Variants in UTRN observed in about 807,000 individuals in gnomAD.
The protein encoded by UTRN is dystrophin-related protein 1.
Under a neutral mutation model 463.9 loss-of-function variants are expected in UTRN, and 283 were observed. The ratio of observed to expected loss-of-function variants is 0.61; its 90% CI spans 0.55 to 0.67. UTRN has a LOEUF of 0.67. Ranked by LOEUF, UTRN falls within the 30% of genes least tolerant of loss-of-function variation. UTRN has a pLI of 0.00. For synonymous variants in UTRN, 1,442 were observed against 1,431.5 expected, an observed-to-expected ratio of 1.01 and a Z score of -0.17; for missense variants, 3,922 against 4,084.3, an observed-to-expected ratio of 0.96 and a Z score of 1.08.
intron 51 of UTRN, among the ~76,000 whole-genome samples, chr6:144,613,306 GAA>G (rs1031889273): frequency 2.0e-5 from 3 of 151,966 alleles, no homozygotes; most frequent in African/African-American, 7.2e-5. Flanking sequence ...AGACATGAAT[GAA>G]AAGAGTGGCT....
chr6:144,345,953 G>A (rs959058452), intron 2 of UTRN, among the ~76,000 whole-genome samples: 1 of 152,088 alleles, frequency 6.6e-6, no homozygotes, highest in Non-Finnish European at 1.5e-5. Flanking sequence ...CAAGGCAGGC[G>A]GATCACCTGA....
At chr6:144,597,818 A>C (rs561423531) in intron 51 of UTRN, among the ~76,000 whole-genome samples, 1 of 152,312 alleles carries the variant, frequency 6.6e-6, no homozygotes, top group Non-Finnish European at 1.5e-5. Context: ...TCATTACTTA[A>C]AGCTGGTGCT....
chr6:144,558,574 A>G (rs1193393538), intron 50 of UTRN, among the ~76,000 whole-genome samples: 1 of 152,210 alleles, frequency 6.6e-6, no homozygotes, highest in Non-Finnish European at 1.5e-5. Context: ...TGGCACATGT[A>G]TACATATGTA....
chr6:144,354,712 A>G (rs1011269073), intron 2 of UTRN, among the ~76,000 whole-genome samples: 2 of 152,122 alleles, frequency 1.3e-5, no homozygotes, highest in African/African-American at 4.8e-5. Flanking sequence ...CACCTTCTCT[A>G]GGAATTCTCT....
chr6:144,636,901 GT>G (rs1777231059), intron 51 of UTRN, among the ~76,000 whole-genome samples: 2 of 152,046 alleles, frequency 1.3e-5, no homozygotes, highest in South Asian at 4.2e-4. Context: ...TAGCCTTGAG[GT>G]TTTTTTTATT....
At chr6:144,449,651 C>T (rs1284927823) in intron 17 of UTRN, among the ~76,000 whole-genome samples, 1 of 152,102 alleles carries the variant, frequency 6.6e-6, no homozygotes, top group Non-Finnish European at 1.5e-5. Flanking sequence ...TCACAAAATC[C>T]CTCACATTTT....
chr6:144,526,112 A>G (rs547629207), intron 41 of UTRN, among the ~76,000 whole-genome samples: 19 of 152,324 alleles, frequency 1.2e-4, no homozygotes, highest in African/African-American at 4.1e-4. Flanking sequence ...CACATGGTCT[A>G]TCTTGGAGAA....
intron 56 of UTRN, among the ~76,000 whole-genome samples, chr6:144,754,083 A>C (rs1403708942): frequency 6.6e-6 from 1 of 151,216 alleles, no homozygotes; most frequent in Non-Finnish European, 1.5e-5. Flanking sequence ...ACTATCCACT[A>C]TCTATGTACT....
chr6:144,836,226 TG>T, intron 70 of UTRN, 74 bp from the exon 71 acceptor site: 8 of 1,593,984 alleles, frequency 5.0e-6, no homozygotes, highest in Non-Finnish European at 6.8e-6. Flanking sequence ...GAGCTAAATT[TG>T]AACCTCACAG....
At chr6:144,325,465 C>T (rs1051487649) in intron 2 of UTRN, among the ~76,000 whole-genome samples, 4 of 152,152 alleles carry the variant, frequency 2.6e-5, no homozygotes, top group Non-Finnish European at 5.9e-5. Context: ...TGCTTTTGGA[C>T]TTCCCATCCT....
chr6:144,458,123 T>G (rs534294220), intron 19 of UTRN, among the ~76,000 whole-genome samples: 1 of 152,342 alleles, frequency 6.6e-6, no homozygotes, highest in African/African-American at 2.4e-5. Flanking sequence ...TGGCATTGTT[T>G]TCCCTGATGT....
At chr6:144,369,480 G>A (rs909507042) in intron 2 of UTRN, among the ~76,000 whole-genome samples, 9 of 152,220 alleles carry the variant, frequency 5.9e-5, no homozygotes, top group African/African-American at 2.2e-4. Flanking sequence ...AGCTGATTGT[G>A]GTGGCGCGTG....
chr6:144,332,680 C>G (rs531850390), intron 2 of UTRN, among the ~76,000 whole-genome samples: 1 of 152,120 alleles, frequency 6.6e-6, no homozygotes, highest in African/African-American at 2.4e-5. Flanking sequence ...AAAAATTGAA[C>G]AAAGAGTATC....
chr6:144,581,504 T>C (rs968999553), intron 51 of UTRN, among the ~76,000 whole-genome samples: 1 of 152,202 alleles, frequency 6.6e-6, no homozygotes, highest in African/African-American at 2.4e-5. Flanking sequence ...TGTTTGCTTT[T>C]AGCCTCATTT....
At chr6:144,553,155 A>G (rs1799073922) in intron 48 of UTRN, among the ~76,000 whole-genome samples, 2 of 152,118 alleles carry the variant, frequency 1.3e-5, no homozygotes, top group South Asian at 2.1e-4. Flanking sequence ...CTCCTGCCTC[A>G]GCCTCCCAAG....
intron 66 of UTRN, among the ~76,000 whole-genome samples, chr6:144,822,611 C>G (rs201787449): frequency 6.6e-6 from 1 of 152,056 alleles, no homozygotes; most frequent in East Asian, 1.9e-4. Flanking sequence ...GAGAGCTGTT[C>G]GAATACATTC....
intron 51 of UTRN, among the ~76,000 whole-genome samples, chr6:144,645,069 G>A (rs1362050466): frequency 6.6e-6 from 1 of 152,128 alleles, no homozygotes; most frequent in Non-Finnish European, 1.5e-5. Flanking sequence ...CCTGTGGTGG[G>A]CCATAGCAAG....
chr6:144,842,097 G>A (rs1253644836), intron 73 of UTRN, among the ~76,000 whole-genome samples: 1 of 113,660 alleles, frequency 8.8e-6, no homozygotes, highest in African/African-American at 3.5e-5. Flanking sequence ...GAGACAGCGT[G>A]AGACTTCCTC....
chr6:144,598,518 T>G (rs1157891954), intron 51 of UTRN, among the ~76,000 whole-genome samples: 1 of 152,158 alleles, frequency 6.6e-6, no homozygotes, highest in Non-Finnish European at 1.5e-5. Flanking sequence ...GACTCTTAAT[T>G]AATTCTCTCC....
Sources: allele counts gnomAD v4.1 joint callset (sites outside exome capture counted in the v4.1 genomes callset), GRCh38; gene constraint gnomAD v4.1.1; transcripts MANE v1.5; gene names NCBI Gene and HGNC (gene_info 2026-07-23, HGNC 2026-07-21).